Variants in CEP250 observed in about 807,000 individuals in gnomAD.
CEP250 encodes centrosome-associated protein CEP250.
A neutral mutation model predicts 315.7 loss-of-function variants in CEP250; 242 were observed. The ratio of observed to expected loss-of-function variants is 0.77; its 90% CI spans 0.69 to 0.85. The LOEUF (loss-of-function observed/expected upper bound fraction) is 0.85. Among genes scored for constraint, CEP250 ranks in the 40% least tolerant of loss-of-function variants. The probability of loss-of-function intolerance (pLI) is 0.00; values close to 1 mark genes in which losing one functional copy is unlikely to be tolerated. For synonymous variants in CEP250, 1,088 were observed against 1,175.0 expected, an observed-to-expected ratio of 0.93 and a Z score of 1.51; for missense variants, 2,515 against 2,886.4, an observed-to-expected ratio of 0.87 and a Z score of 2.95.
rs145056857 is a variant in CEP250, at chr20:35,489,028, A to G, written c.2587-1609A>G. 8.3e-3 allele frequency among the ~76,000 whole-genome samples: 1,260 copies of G among 152,224 alleles called. 21 individuals are homozygous for G. The highest frequency in any genetic ancestry group is 0.029 in the African/African-American group (1,188 of 41,510). On this transcript the variant is annotated intron_variant, in intron 20 of 34. Transcript: ENST00000397527. The stretch of plus-strand genomic sequence containing the variant: ...TGGTGAAACCATGTCTCTACTAAAA[A>G]TACAAAAAAAATAGCTGGGAGTGGT...
At chr20:35,470,048 T>C in intron 10 of CEP250, 62 bp downstream of exon 10, 1 of 1,084,524 alleles carries the variant, frequency 9.2e-7, no homozygotes, top group Non-Finnish European at 1.4e-6. Context: ...TTGTGCTTTA[T>C]GGACAGATAG....
rs779688249 is a variant in CEP250 at position 35,490,821 on chromosome 20, A to G, written c.2754+17A>G. 1 of 1,610,498 alleles carries G rather than the reference A, an allele frequency of 6.2e-7. No homozygotes were observed. The highest frequency in any genetic ancestry group is 8.5e-7 in the Non-Finnish European group (1 of 1,179,370). Reference sequence around the variant, plus strand: ...CTATGCCAGGTGGGAAGCTAGGAGGATTGGAGCTGCACGTCCAGTCAGCGA... The same window carrying G: ...CTATGCCAGGTGGGAAGCTAGGAGGGTTGGAGCTGCACGTCCAGTCAGCGA... On this transcript the variant is annotated intron_variant, in intron 21 of 34. Transcript: ENST00000397527.
In CEP250 at chr20:35,497,945, C is replaced by T; in HGVS notation, c.3533C>T (p.Ala1178Val). The T allele has an allele frequency of 6.2e-7, 1 of 1,612,122 alleles. No individual in the cohort carries two copies. The highest frequency in any genetic ancestry group is 2.2e-5 in the East Asian group (1 of 44,824). ...CAGCAGCCCGGGAACCAGGCCCAGG[C>T]CCAGGCCCAGCTGGCCAGCCTCTAC... is the stretch of plus-strand genomic sequence containing the variant. ...AEQQPGNQAQAQAQLASLYSA... is the reference protein window; with the variant it reads ...AEQQPGNQAQVQAQLASLYSA... The change falls in exon 26 of 35, where the codon GCC (alanine) becomes GTC (valine). Residue 1178 changes from alanine to valine, a missense_variant. Physicochemically the swap from Ala to Val is moderately conservative, Grantham distance 64. Transcript: ENST00000397527.
intron 22 of CEP250, among the ~76,000 whole-genome samples, chr20:35,491,958 C>T (rs1229866150): frequency 6.7e-6 from 1 of 150,116 alleles, no homozygotes; most frequent in African/African-American, 2.4e-5. Context: ...ATTGCCCCTG[C>T]TCTCAAGGAA....
At chr20:35,507,677 T>G in intron 30 of CEP250, 61 bp from the exon 31 acceptor site, 2 of 1,265,592 alleles carry the variant, frequency 1.6e-6, no homozygotes, top group East Asian at 2.5e-5. Context: ...GTGTGGAGGA[T>G]GGGTTGGTCT....
At chr20:35,457,549 A>T (rs2146626404) in intron 1 of CEP250, among the ~76,000 whole-genome samples, 1 of 150,982 alleles carries the variant, frequency 6.6e-6, no homozygotes, top group African/African-American at 2.4e-5. Flanking sequence ...TTTAATAGAG[A>T]TGGGAATCTC....
chr20:35,489,845 A>C (rs555964660), intron 20 of CEP250, among the ~76,000 whole-genome samples: 1 of 152,300 alleles, frequency 6.6e-6, no homozygotes, highest in African/African-American at 2.4e-5. Flanking sequence ...GCCTCAGTTC[A>C]TTGTTACAAC....
rs1275154872 is a variant in CEP250 at position 35,490,655 on chromosome 20, C to A, written c.2605C>A (p.His869Asn). The change falls in exon 21 of 35, where the codon CAC (histidine) becomes AAC (asparagine). Residue 869 changes from histidine (H) to asparagine (N), a missense_variant. Coordinates refer to ENST00000397527, the MANE Select transcript of CEP250 (RefSeq NM_007186.6). Reference protein sequence around the residue: ...REKWEKERSWHQQELAKALES... With the variant: ...REKWEKERSWNQQELAKALES... ...TGGCCAGGAGAAGGAGCGCTCCTGG[C>A]ACCAGCAGGAGCTGGCAAAGGCTCT... 1 of 1,613,370 alleles carries A rather than the reference C, an allele frequency of 6.2e-7. No individual in the cohort carries two copies.
rs1042185077 is a variant in CEP250, at chr20:35,503,219, A to T, written c.4850A>T (p.His1617Leu). 2.5e-6 allele frequency: 4 copies of T among 1,614,196 alleles called. No individual in the cohort carries two copies. The highest frequency in any genetic ancestry group is 2.2e-5 in the East Asian group (1 of 44,884). ...QSSQIHDLES[H>L]STVLARELQE... ...AGCCAGATCCATGACCTGGAGAGCCACAGCACCGTTCTGGCAAGAGAGCTG... is the reference window on the plus strand; with the variant it reads ...AGCCAGATCCATGACCTGGAGAGCCTCAGCACCGTTCTGGCAAGAGAGCTG... The change falls in exon 30 of 35, where the codon CAC becomes CTC. Residue 1617 changes from histidine to leucine, a missense_variant. Coordinates refer to ENST00000397527, the MANE Select transcript of CEP250 (RefSeq NM_007186.6). The surrounding 1 kb of genome is among the most constrained non-coding windows in gnomAD (Gnocchi z 4.2).
intron 5 of CEP250, 28 bp downstream of exon 5, chr20:35,463,659 C>A: frequency 6.3e-7 from 1 of 1,582,104 alleles, no homozygotes; most frequent in Non-Finnish European, 8.6e-7. Context: ...CTCTGCACCC[C>A]CTGGGTCCTC....
intron 28 of CEP250, 35 bp from the exon 29 acceptor site, chr20:35,501,810 C>T (rs1344397289): frequency 6.6e-7 from 1 of 1,506,058 alleles, no homozygotes; most frequent in Non-Finnish European, 8.8e-7. Context: ...GGTCTTACTC[C>T]ACTACCTCTC....
rs776405843 is a variant in CEP250, at chr20:35,493,421, C to T, written c.2890-8C>T. The T allele has an allele frequency of 5.7e-6, 9 of 1,570,354 alleles. No individual in the cohort carries two copies. The African/African-American group carries it at 9.7e-5, about 17-fold the overall frequency. ...TCCTCTACTCAATGATTTCTTATCC[C>T]TCTTCAGGAGACCACTGGGATACTA... On this transcript the variant is annotated splice_polypyrimidine_tract_variant and splice_region_variant and intron_variant, in intron 22 of 34. Coordinates refer to ENST00000397527, the MANE Select transcript of CEP250 (RefSeq NM_007186.6).
At chr20:35,465,037 G>T (rs953756551) in intron 5 of CEP250, among the ~76,000 whole-genome samples, 1 of 152,176 alleles carries the variant, frequency 6.6e-6, no homozygotes, top group Admixed American at 6.5e-5. Flanking sequence ...ATCTATAATT[G>T]TGTCTCTTAA....
At chr20:35,485,084 AG>A (rs1460966188) in intron 20 of CEP250, among the ~76,000 whole-genome samples, 9 of 132,332 alleles carry the variant, frequency 6.8e-5, no homozygotes, top group Non-Finnish European at 3.4e-5. Context: ...AAAAAAAAAA[AG>A]GTAAAGGCTG....
chr20:35,480,357 G>A (rs867763838), intron 20 of CEP250, among the ~76,000 whole-genome samples: 1 of 152,148 alleles, frequency 6.6e-6, no homozygotes, highest in Non-Finnish European at 1.5e-5. Context: ...CATTATTATT[G>A]TTGTTGTGTT....
chr20:35,496,242 C>T (rs1434765320), intron 24 of CEP250, among the ~76,000 whole-genome samples: 1 of 151,984 alleles, frequency 6.6e-6, no homozygotes, highest in East Asian at 1.9e-4. Context: ...GAGGCTGAGG[C>T]ACGAGAATCA....
Position 35,503,837 on chromosome 20 carries a change from A to C in CEP250, c.5468A>C (p.Gln1823Pro). The C allele has an allele frequency of 6.2e-7, 1 of 1,614,046 alleles. No individual in the cohort carries two copies. The highest frequency in any genetic ancestry group is 8.5e-7 in the Non-Finnish European group (1 of 1,180,010). Residue 1823 changes from glutamine to proline, a missense_variant, in exon 30 of 35, where the codon CAG becomes CCG. Coordinates refer to ENST00000397527, the MANE Select transcript of CEP250 (RefSeq NM_007186.6). The surrounding 1 kb of genome is among the most constrained non-coding windows in gnomAD (Gnocchi z 4.2). ...AGGGACCAGGAACTGGAGGCTCTGC[A>C]GCAAGAACAGCAGCAGGCCCAGGGA... is the stretch of plus-strand genomic sequence containing the variant. ...AQRDQELEAL[Q>P]QEQQQAQGQE...
Position 35,504,318 on chromosome 20 carries a change from TCTC to T in CEP250, c.5953_5955del (p.Leu1985del). The T allele has an allele frequency of 3.1e-6, 5 of 1,589,746 alleles. No homozygotes were observed. The highest frequency in any genetic ancestry group is 1.3e-5 in the African/African-American group (1 of 74,438). On this transcript the variant is annotated inframe_deletion, in exon 30 of 35. Coordinates refer to ENST00000397527, the MANE Select transcript of CEP250 (RefSeq NM_007186.6). ...CTGCCCTGCAGGGGAAAGAGCAGCA[TCTC>T]CTCGAGCAGGCAGAATTGAGCCGCA...
At chr20:35,458,482 T>A (rs1382307914) in intron 2 of CEP250, 108 bp downstream of exon 2, 2 of 152,252 alleles carry the variant, frequency 1.3e-5, no homozygotes, top group African/African-American at 4.8e-5. Flanking sequence ...AATCTTTCCC[T>A]TTTTCCTGCA....
Sources: allele counts gnomAD v4.1 joint callset (sites outside exome capture counted in the v4.1 genomes callset), GRCh38; gene constraint gnomAD v4.1.1; non-coding constraint Gnocchi (gnomAD v3.1); transcripts MANE v1.5; gene names NCBI Gene and HGNC (gene_info 2026-07-23, HGNC 2026-07-21).